Variants in BTC observed in about 807,000 individuals in gnomAD.
BTC encodes probetacellulin.
Under a neutral mutation model 18.1 loss-of-function variants are expected in BTC, and 13 were observed. The observed-to-expected ratio is 0.72, with a 90% CI of 0.47 to 1.14. The LOEUF (loss-of-function observed/expected upper bound fraction) is 1.14, where lower values mean the gene tolerates loss of function less well. Ranked by LOEUF, BTC falls within the 50% of genes most tolerant of loss-of-function variation. The pLI is 0.00. For missense variants in BTC, 247 were observed against 224.2 expected (o/e 1.10, Z -0.65); for synonymous variants, 83 against 79.4 (o/e 1.05, Z -0.24).
intron 1 of BTC, among the ~76,000 whole-genome samples, chr4:74,786,187 G>A (rs576680173): frequency 3.3e-5 from 5 of 152,282 alleles, no homozygotes; most frequent in Admixed American, 1.3e-4. Context: ...GAAGGTGATC[G>A]TGAACAAGTC....
chr4:74,750,499 G>A, intron 4 of BTC, 74 bp downstream of exon 4: 1 of 1,441,504 alleles, frequency 6.9e-7, no homozygotes, highest in Non-Finnish European at 9.3e-7. Flanking sequence ...AATGTAAAGA[G>A]GAAGAAAAGA....
intron 2 of BTC, among the ~76,000 whole-genome samples, chr4:74,765,004 C>T (rs1229459928): frequency 9.6e-6 from 1 of 104,192 alleles, no homozygotes; most frequent in Non-Finnish European, 1.8e-5. Flanking sequence ...ACTCGTGAGA[C>T]TTATTCACTA....
At chr4:74,781,178 C>T (rs1044900168) in intron 1 of BTC, among the ~76,000 whole-genome samples, 2 of 151,884 alleles carry the variant, frequency 1.3e-5, no homozygotes, top group Non-Finnish European at 2.9e-5. Flanking sequence ...GCATCTGGCT[C>T]CACTTTTTTC....
chr4:74,755,484 G>T (rs1221375255), intron 3 of BTC, among the ~76,000 whole-genome samples: 2 of 152,048 alleles, frequency 1.3e-5, no homozygotes, highest in Admixed American at 6.6e-5. Context: ...TCTTAATTTG[G>T]CAGGAATTTC....
rs143993076 is a variant in BTC, at chr4:74,771,358, C to G, written c.65-1202G>C. Among the ~76,000 whole-genome samples the G allele has an allele frequency of 8.5e-5, 13 of 152,292 alleles. No individual in the cohort carries two copies. The East Asian group carries it at 2.3e-3, about 27-fold the overall frequency. On this transcript the variant is annotated intron_variant, in intron 1 of 5. Coordinates refer to ENST00000395743, the MANE Select transcript of BTC (RefSeq NM_001729.4). ...GACAAGAATAAAGTAGCCTGTCCAC[C>G]AGTTGTATTGAAATTTATACATCTA...
chr4:74,754,938 AACACAC>A lies in BTC; in HGVS notation c.281+915_281+920del, dbSNP rs33972204. On this transcript the variant is annotated intron_variant, in intron 3 of 5. Transcript: ENST00000395743. The stretch of plus-strand genomic sequence containing the variant: ...TTAAAAAATTAGATCTATCCCTCTC[AACACAC>A]ACACACACACACACACACACACTCA... 2.6e-3 allele frequency among the ~76,000 whole-genome samples: 391 copies of A among 150,014 alleles called. 2 individuals are homozygous for A. Among genetic ancestry groups the A allele is most frequent in the African/African-American group, 6.8e-3 (280 of 40,896 alleles).
At chr4:74,789,049 A>G (rs1423440349) in intron 1 of BTC, among the ~76,000 whole-genome samples, 1 of 152,242 alleles carries the variant, frequency 6.6e-6, no homozygotes, top group Non-Finnish European at 1.5e-5. Flanking sequence ...CACTCTGAGA[A>G]GCTACTGACC....
chr4:74,767,113 A>C (rs35542288), intron 2 of BTC, among the ~76,000 whole-genome samples: 37,217 of 151,694 alleles, frequency 0.25, 5,235 homozygotes, highest in South Asian at 0.32. Flanking sequence ...TCTAAATTGG[A>C]AAAAAAGAAA....
intron 2 of BTC, among the ~76,000 whole-genome samples, chr4:74,769,271 G>T (rs1724979656): frequency 6.6e-6 from 1 of 152,042 alleles, no homozygotes; most frequent in Non-Finnish European, 1.5e-5. Flanking sequence ...TAGAAGACCA[G>T]AACATACAAT....
chr4:74,770,525 C>G (rs868120081), intron 1 of BTC, among the ~76,000 whole-genome samples: 2 of 152,120 alleles, frequency 1.3e-5, no homozygotes, highest in South Asian at 2.1e-4. Context: ...GCACGGCAAG[C>G]AAAGTGCCTT....
intron 1 of BTC, among the ~76,000 whole-genome samples, chr4:74,789,907 G>T (rs1232003467): frequency 1.3e-5 from 2 of 152,110 alleles, no homozygotes; most frequent in Non-Finnish European, 2.9e-5. Flanking sequence ...TCAATGCTAG[G>T]CAAGTGCAGT....
At chr4:74,771,401 G>A (rs1435329866) in intron 1 of BTC, among the ~76,000 whole-genome samples, 1 of 152,158 alleles carries the variant, frequency 6.6e-6, no homozygotes, top group Non-Finnish European at 1.5e-5. Flanking sequence ...CTAAACTTAT[G>A]TATGTTCTCC....
At chr4:74,748,397 G>T (rs1032409353) in intron 4 of BTC, among the ~76,000 whole-genome samples, 1 of 152,118 alleles carries the variant, frequency 6.6e-6, no homozygotes, top group Non-Finnish European at 1.5e-5. Flanking sequence ...TTGGCCGGAC[G>T]TGGTGGTGGG....
chr4:74,785,212 T>C lies in BTC; in HGVS notation c.64+9050A>G, dbSNP rs114716763. On this transcript the variant is annotated intron_variant, in intron 1 of 5. Transcript: ENST00000395743. ...TCTTAGATTTCCTAGTTTATGTTAATAGAGGTGTTTATAGTATTCTCTGAT... is the reference window on the plus strand; with the variant it reads ...TCTTAGATTTCCTAGTTTATGTTAACAGAGGTGTTTATAGTATTCTCTGAT... 3.4e-3 allele frequency among the ~76,000 whole-genome samples: 520 copies of C among 152,350 alleles called. 1 individual carries two copies. The highest frequency in any genetic ancestry group is 0.012 in the African/African-American group (493 of 41,582).
chr4:74,763,312 T>C (rs575102928), intron 2 of BTC, among the ~76,000 whole-genome samples: 1 of 152,276 alleles, frequency 6.6e-6, no homozygotes, highest in East Asian at 1.9e-4. Flanking sequence ...AATTTACAAA[T>C]AATATTTTCT....
intron 2 of BTC, 114 bp from the exon 3 acceptor site, chr4:74,756,090 AT>A (rs1560711471): frequency 2.0e-6 from 2 of 1,013,458 alleles, no homozygotes; most frequent in East Asian, 2.4e-5. Context: ...TGAATCTCTC[AT>A]TTTTCTTTCT....
At position 74,750,737 on chromosome 4, in the gene BTC, G is replaced by A; in HGVS notation, c.282-18C>T. ...CATCACAGCTATAAAACAAGACGAG[G>A]GCAAGGAAGTAAAACTTGCAAGACT... On this transcript the variant is annotated intron_variant, in intron 3 of 5. Coordinates refer to ENST00000395743, the MANE Select transcript of BTC (RefSeq NM_001729.4). 6.2e-7 allele frequency: 1 copy of A among 1,603,166 alleles called. No individual in the cohort carries two copies. The highest frequency in any genetic ancestry group is 1.1e-5 in the South Asian group (1 of 87,956).
At chr4:74,768,623 G>T (rs1724960467) in intron 2 of BTC, among the ~76,000 whole-genome samples, 1 of 152,100 alleles carries the variant, frequency 6.6e-6, no homozygotes, top group Admixed American at 6.6e-5. Flanking sequence ...TATTCAATGT[G>T]TACAAAGTTT....
At chr4:74,771,999 A>T (rs1448538027) in intron 1 of BTC, among the ~76,000 whole-genome samples, 1 of 152,242 alleles carries the variant, frequency 6.6e-6, no homozygotes, top group Non-Finnish European at 1.5e-5. Flanking sequence ...AAACATGAAT[A>T]GAACATCTTG....
Sources: gnomAD v4.1 joint callset for allele counts (sites outside exome capture counted in the v4.1 genomes callset) on GRCh38, gnomAD v4.1.1 for gene constraint, MANE v1.5 for transcripts, NCBI Gene and HGNC (gene_info 2026-07-23, HGNC 2026-07-21) for gene names.